CELF2: variants seen among roughly 807,000 people sequenced by gnomAD.
CELF2 encodes CUGBP Elav-like family member 2.
In CELF2, 8 loss-of-function variants were observed where a neutral mutation model predicts 62.6. The observed-to-expected ratio is 0.13, with a 90% CI of 0.07 to 0.23. The LOEUF is 0.23. CELF2 is among the 10% of genes least tolerant of loss of function. The pLI, the probability that CELF2 is intolerant of heterozygous loss-of-function variation, is 1.00. For missense variants in CELF2, 333 were observed against 671.0 expected (o/e 0.50, Z 5.56); for synonymous variants, 258 against 250.0 (o/e 1.03, Z -0.30).
the CELF2 span, among the ~76,000 whole-genome samples, chr10:10,768,391 T>C: frequency 6.6e-6 from 1 of 151,862 alleles, no homozygotes; most frequent in African/African-American, 2.4e-5. Context: ...TACAGCCCCA[T>C]GAGTTTGGTT....
chr10:11,138,105 T>A (rs981960234), intron 1 of CELF2, among the ~76,000 whole-genome samples: 3 of 151,786 alleles, frequency 2.0e-5, no homozygotes, highest in Non-Finnish European at 4.4e-5. Flanking sequence ...TTTAAAGTTA[T>A]TTCTAGCACA....
chr10:10,608,638 G>T, the CELF2 span, among the ~76,000 whole-genome samples: 2 of 152,034 alleles, frequency 1.3e-5, no homozygotes, highest in African/African-American at 2.4e-5. Flanking sequence ...AGCAAATGAG[G>T]CCTGACCTCA....
At chr10:11,070,129 AAAAAT>A (rs56019718) in intron 1 of CELF2, among the ~76,000 whole-genome samples, 1 of 151,772 alleles carries the variant, frequency 6.6e-6, no homozygotes, top group Non-Finnish European at 1.5e-5. Context: ...CAAAAAGTAA[AAAAAT>A]AAAAGAGGTC....
the CELF2 span, among the ~76,000 whole-genome samples, chr10:10,566,777 C>T: frequency 6.6e-6 from 1 of 152,188 alleles, no homozygotes; most frequent in South Asian, 2.1e-4. Flanking sequence ...GTCCAAAAGA[C>T]TTTAGATTTT....
the CELF2 span, among the ~76,000 whole-genome samples, chr10:10,645,141 G>T: frequency 1.3e-5 from 2 of 152,096 alleles, no homozygotes; most frequent in South Asian, 2.1e-4. Context: ...GCTTATTCAG[G>T]GGGGATGAGA....
the CELF2 span, among the ~76,000 whole-genome samples, chr10:10,516,819 G>A: frequency 6.6e-6 from 1 of 151,512 alleles, no homozygotes; most frequent in African/African-American, 2.4e-5. Flanking sequence ...GGAAGGGGGA[G>A]ACAAGTCCCT....
intron 1 of CELF2, among the ~76,000 whole-genome samples, chr10:10,844,431 C>T (rs1045886299): frequency 2.0e-5 from 3 of 151,952 alleles, no homozygotes; most frequent in Non-Finnish European, 4.4e-5. Context: ...GGAACAAAAT[C>T]TTAAGGGAAA....
At chr10:10,614,494 A>G in the CELF2 span, among the ~76,000 whole-genome samples, 1 of 152,156 alleles carries the variant, frequency 6.6e-6, no homozygotes, top group Non-Finnish European at 1.5e-5. Context: ...TTTAAACAAA[A>G]CAAAACTAAA....
Position 11,269,416 on chromosome 10 carries a change from G to GA in CELF2, c.619-1243dup, listed in dbSNP as rs926089134. On this transcript the variant is annotated intron_variant, in intron 6 of 12. Transcript: ENST00000633077. The surrounding 1 kb of genome is among the most constrained non-coding windows in gnomAD (Gnocchi z 4.4). Reference sequence around the variant, plus strand: ...CCCAGTAACTACCCAAGGTGATAAGGAAAAAAATGCGTTTGTTTTCCAGAA... The same window carrying GA: ...CCCAGTAACTACCCAAGGTGATAAGGAAAAAAAATGCGTTTGTTTTCCAGAA... Among the ~76,000 whole-genome samples the GA allele has an allele frequency of 6.6e-5, 10 of 151,944 alleles. No individual in the cohort carries two copies. The highest frequency in any genetic ancestry group is 3.4e-3 in the Middle Eastern group (1 of 294).
chr10:11,114,503 T>C (rs2056075915), intron 1 of CELF2, among the ~76,000 whole-genome samples: 1 of 152,198 alleles, frequency 6.6e-6, no homozygotes, highest in South Asian at 2.1e-4. Context: ...TAAAAGTTGC[T>C]AATGTTCTTA....
chr10:10,919,028 T>C (rs1356329645), intron 1 of CELF2, among the ~76,000 whole-genome samples: 1 of 152,116 alleles, frequency 6.6e-6, no homozygotes, highest in Non-Finnish European at 1.5e-5. Flanking sequence ...CCCAGCACTT[T>C]GGTAAGCTGA....
Position 11,255,390 on chromosome 10 carries a change from C to T in CELF2, c.404-2348C>T, listed in dbSNP as rs946000222. Among the ~76,000 whole-genome samples the T allele has an allele frequency of 6.6e-6, 1 of 152,100 alleles. No homozygotes were observed. Among genetic ancestry groups the T allele is most frequent in the African/African-American group, 2.4e-5 (1 of 41,408 alleles). ...AAGATGGGGCGTGCCATCCTGAGGT[C>T]GGGCTGCTTTCCGCCATCCACCCAA... On this transcript the variant is annotated intron_variant, in intron 4 of 12. Coordinates refer to ENST00000633077, the MANE Select transcript of CELF2 (RefSeq NM_001326342.2). The surrounding 1 kb of genome is among the most constrained non-coding windows in gnomAD (Gnocchi z 5.5).
intron 1 of CELF2, among the ~76,000 whole-genome samples, chr10:11,162,137 C>T (rs2065866336): frequency 6.6e-6 from 1 of 151,818 alleles, no homozygotes. Context: ...CAGGACCACC[C>T]ATACCACCCA....
Position 11,156,172 on chromosome 10 carries a change from C to T in CELF2, c.75-9314C>T, listed in dbSNP as rs867737155. On this transcript the variant is annotated intron_variant, in intron 1 of 12. Transcript: ENST00000633077. The surrounding 1 kb of genome is among the most constrained non-coding windows in gnomAD (Gnocchi z 4.3). ...AGTGGCTGTTCAGGGACAAGTGGAC[C>T]CAGCGGGCATTTGGAGAAAAATAGG... Among the ~76,000 whole-genome samples, 2 of 151,984 alleles carry T rather than the reference C, an allele frequency of 1.3e-5. No individual in the cohort carries two copies. Among genetic ancestry groups the T allele is most frequent in the African/African-American group, 4.8e-5 (2 of 41,344 alleles).
chr10:10,766,986 C>T, the CELF2 span, among the ~76,000 whole-genome samples: 1 of 152,184 alleles, frequency 6.6e-6, no homozygotes, highest in Admixed American at 6.5e-5. Flanking sequence ...AACCCACTTC[C>T]ACTTCTCTGT....
chr10:10,700,279 A>T, the CELF2 span, among the ~76,000 whole-genome samples: 1 of 152,232 alleles, frequency 6.6e-6, no homozygotes, highest in Non-Finnish European at 1.5e-5. Flanking sequence ...AGGGAAAAGA[A>T]GAAAGGGAGG....
chr10:10,612,808 T>C, the CELF2 span, among the ~76,000 whole-genome samples: 1 of 152,216 alleles, frequency 6.6e-6, no homozygotes, highest in Non-Finnish European at 1.5e-5. Context: ...GCCCATGTAA[T>C]TTAAGATGAC....
the CELF2 span, among the ~76,000 whole-genome samples, chr10:10,720,969 A>G: frequency 6.6e-6 from 1 of 152,262 alleles, no homozygotes; most frequent in Non-Finnish European, 1.5e-5. Flanking sequence ...ACTGGATGTG[A>G]AACAAAATGT....
the CELF2 span, among the ~76,000 whole-genome samples, chr10:10,662,726 G>A: frequency 1.3e-5 from 2 of 152,136 alleles, no homozygotes; most frequent in Admixed American, 1.3e-4. Context: ...AACCAGCAAT[G>A]GTGGAGGGAG....
Sources: gnomAD v4.1 joint callset for allele counts (sites outside exome capture counted in the v4.1 genomes callset) on GRCh38, gnomAD v4.1.1 for gene constraint, Gnocchi (gnomAD v3.1) non-coding constraint, MANE v1.5 for transcripts, NCBI Gene and HGNC (gene_info 2026-07-23, HGNC 2026-07-21) for gene names.